The following SNX2 variants were observed in gnomAD, a reference collection of about 807,000 sequenced individuals.
SNX2 encodes the protein sorting nexin 2, also known as sorting nexin-2.
A neutral mutation model predicts 69.9 loss-of-function variants in SNX2; 25 were observed. The ratio of observed to expected loss-of-function variants is 0.36; its 90% confidence interval spans 0.26 to 0.50. SNX2 has a LOEUF of 0.50. Among genes scored for constraint, SNX2 ranks in the 20% least tolerant of loss-of-function variants. The pLI, the probability that SNX2 is intolerant of heterozygous loss-of-function variation, is 0.97. For missense variants in SNX2, 551 were observed against 613.3 expected (o/e 0.90, Z 1.07); for synonymous variants, 229 against 200.4 (o/e 1.14, Z -1.20).
chr5:122,808,369 G>A lies in SNX2; in HGVS notation c.722+14G>A. The A allele has an allele frequency of 6.4e-7, 1 of 1,555,692 alleles. No individual in the cohort carries two copies. Among genetic ancestry groups the A allele is most frequent in the Non-Finnish European group, 8.8e-7 (1 of 1,134,060 alleles). On this transcript the variant is annotated intron_variant, in intron 7 of 14. Coordinates refer to ENST00000379516, the MANE Select transcript of SNX2 (RefSeq NM_003100.4). ...AGCTCTTGAAAGGTAATTCTAGACA[G>A]CTATATTTTATTACTCTCATGTTTG...
At chr5:122,790,588 C>G (rs146484606) in intron 1 of SNX2, among the ~76,000 whole-genome samples, 2 of 152,256 alleles carry the variant, frequency 1.3e-5, no homozygotes, top group Non-Finnish European at 2.9e-5. Context: ...AAGCCACAGT[C>G]ATTTATAACC....
chr5:122,779,778 C>A (rs914677720), intron 1 of SNX2, among the ~76,000 whole-genome samples: 2 of 151,850 alleles, frequency 1.3e-5, no homozygotes, highest in South Asian at 4.2e-4. Flanking sequence ...GTGGAGGATT[C>A]GCAGGTTTGT....
At chr5:122,787,263 T>C (rs1010892114) in intron 1 of SNX2, among the ~76,000 whole-genome samples, 1 of 152,220 alleles carries the variant, frequency 6.6e-6, no homozygotes, top group East Asian at 1.9e-4. Flanking sequence ...CTCACGCCTG[T>C]AATCCTAGCA....
chr5:122,776,088 G>A (rs1752850675), intron 1 of SNX2, among the ~76,000 whole-genome samples: 1 of 152,172 alleles, frequency 6.6e-6, no homozygotes, highest in African/African-American at 2.4e-5. Flanking sequence ...ACACCTCACA[G>A]CCTAATTTTA....
rs771612228 is a variant in SNX2, at chr5:122,801,878, G to A, written c.400G>A (p.Glu134Lys). 38 of 1,590,664 alleles carry A rather than the reference G, an allele frequency of 2.4e-5. No homozygotes were observed. The highest frequency in any genetic ancestry group is 3.0e-5 in the Non-Finnish European group (35 of 1,163,396). ...AATTTATACTTTCTAGATTGAAGAA[G>A]AAGCAAATGGAGACATTTTTGACAT... is the stretch of plus-strand genomic sequence containing the variant. ...FDRSREEIEE[E>K]ANGDIFDIEI... Residue 134 changes from glutamate (E) to lysine (K), a missense_variant, in exon 4 of 15, where the codon GAA becomes AAA. Glu to Lys is a moderately conservative substitution (Grantham distance 56). Transcript: ENST00000379516.
At chr5:122,785,037 G>C (rs932772774) in intron 1 of SNX2, among the ~76,000 whole-genome samples, 2 of 152,138 alleles carry the variant, frequency 1.3e-5, no homozygotes, top group African/African-American at 4.8e-5. Flanking sequence ...TAACATGTTT[G>C]TGGAGTCTGT....
At chr5:122,828,029 T>TA (rs11354397) in intron 14 of SNX2, 2,231 of 151,580 alleles carry the variant, frequency 0.015, 22 homozygotes, top group African/African-American at 0.04. Flanking sequence ...TTTTCAGAAT[T>TA]AAAAAAAAAA....
At chr5:122,827,537 C>T in intron 13 of SNX2, 38 bp from the exon 14 acceptor site, 1 of 1,603,768 alleles carries the variant, frequency 6.2e-7, no homozygotes. Context: ...TTGAATTTAG[C>T]TTTCTACTAA....
chr5:122,775,089 T>C lies in SNX2; in HGVS notation c.-15T>C, dbSNP rs1246635667. Reference sequence around the variant, plus strand: ...CCGCGAGGCCCAGCTCGCGCAGTCGTTCGGGTGAGCGAAGATGGCGGCCGA... The same window carrying C: ...CCGCGAGGCCCAGCTCGCGCAGTCGCTCGGGTGAGCGAAGATGGCGGCCGA... On this transcript the variant is annotated 5_prime_UTR_variant, in exon 1 of 15. Coordinates refer to ENST00000379516, the MANE Select transcript of SNX2 (RefSeq NM_003100.4). 1.3e-6 allele frequency: 2 copies of C among 1,573,846 alleles called. No individual in the cohort carries two copies. The highest frequency in any genetic ancestry group is 2.7e-5 in the African/African-American group (2 of 74,464).
intron 1 of SNX2, among the ~76,000 whole-genome samples, chr5:122,777,321 AC>A (rs1057484802): frequency 7.2e-5 from 11 of 152,112 alleles, no homozygotes; most frequent in African/African-American, 2.7e-4. Flanking sequence ...ACTGGGTAGA[AC>A]CCAGTATTCT....
intron 10 of SNX2, among the ~76,000 whole-genome samples, 177 bp from the exon 11 acceptor site, chr5:122,818,641 A>C (rs1753952322): frequency 6.6e-6 from 1 of 152,244 alleles, no homozygotes; most frequent in Admixed American, 6.5e-5. Flanking sequence ...ATCTCCGAGC[A>C]CTTGGCATTT....
intron 6 of SNX2, among the ~76,000 whole-genome samples, chr5:122,806,297 A>G (rs1488741183): frequency 6.6e-6 from 1 of 152,154 alleles, no homozygotes; most frequent in Non-Finnish European, 1.5e-5. Flanking sequence ...TCTTCAAAGT[A>G]TGGTGAAGTC....
intron 2 of SNX2, among the ~76,000 whole-genome samples, chr5:122,796,828 A>G (rs1753389685): frequency 6.6e-6 from 1 of 152,030 alleles, no homozygotes; most frequent in Non-Finnish European, 1.5e-5. Context: ...GTTTGTGTAC[A>G]TGCAAGGTTT....
chr5:122,785,629 C>T (rs537326487), intron 1 of SNX2, among the ~76,000 whole-genome samples: 15 of 152,150 alleles, frequency 9.9e-5, no homozygotes, highest in African/African-American at 3.6e-4. Context: ...CTCTTGTGAC[C>T]TCTTATTTGA....
At position 122,792,173 on chromosome 5, in the gene SNX2, A is replaced by C. The variant is rs556415380; in HGVS notation, c.109-3093A>C. On this transcript the variant is annotated intron_variant, in intron 1 of 14. Coordinates refer to ENST00000379516, the MANE Select transcript of SNX2 (RefSeq NM_003100.4). ...AGAAAGCCTCTTTAAATTTTCCTAT[A>C]AGAGTTTGAAACTACTTTTGAATGT... Among the ~76,000 whole-genome samples the C allele has an allele frequency of 1.4e-4, 21 of 152,346 alleles. No homozygotes were observed. The South Asian group carries it at 2.9e-3, about 21-fold the overall frequency.
At chr5:122,786,579 C>T (rs536572376) in intron 1 of SNX2, among the ~76,000 whole-genome samples, 1 of 152,204 alleles carries the variant, frequency 6.6e-6, no homozygotes, top group African/African-American at 2.4e-5. Context: ...AGCTTTACAA[C>T]CACATAGGTT....
At position 122,826,042 on chromosome 5, in the gene SNX2, A is replaced by C; in HGVS notation, c.1213-8A>C. ...CTTACTTAATAGCATTATGTCATTC[A>C]CTTATAGGGTGTGTTTGACCATCGA... On this transcript the variant is annotated splice_region_variant and splice_polypyrimidine_tract_variant and intron_variant, in intron 11 of 14. Coordinates refer to ENST00000379516, the MANE Select transcript of SNX2 (RefSeq NM_003100.4). The C allele has an allele frequency of 6.2e-7, 1 of 1,608,062 alleles. No homozygotes were observed. The highest frequency in any genetic ancestry group is 1.3e-5 in the African/African-American group (1 of 74,920).
At chr5:122,814,921 T>A (rs1218948215) in intron 7 of SNX2, among the ~76,000 whole-genome samples, 6 of 152,040 alleles carry the variant, frequency 3.9e-5, no homozygotes, top group Non-Finnish European at 8.8e-5. Flanking sequence ...GGCTAATTTT[T>A]TGTATTTTTA....
chr5:122,784,936 T>C (rs1228461011), intron 1 of SNX2, among the ~76,000 whole-genome samples: 2 of 152,348 alleles, frequency 1.3e-5, no homozygotes, highest in East Asian at 1.9e-4. Context: ...TGGTGAACTT[T>C]GGAAGTATGT....
Sources: gnomAD v4.1 joint callset for allele counts (sites outside exome capture counted in the v4.1 genomes callset) on GRCh38, gnomAD v4.1.1 for gene constraint, MANE v1.5 for transcripts, NCBI Gene and HGNC (gene_info 2026-07-23, HGNC 2026-07-21) for gene names.